Variants in CCSER1 observed in about 807,000 individuals in gnomAD.
The protein encoded by CCSER1 is coiled-coil serine rich protein 1, also known as serine-rich coiled-coil domain-containing protein 1.
In CCSER1, 41 loss-of-function variants were observed where a neutral mutation model predicts 82.0. That is an observed-to-expected ratio of 0.50 (90% CI 0.39 to 0.65). CCSER1 has a LOEUF of 0.65. CCSER1 is among the 30% of genes least tolerant of loss of function. The probability of loss-of-function intolerance (pLI) is 0.00; values close to 1 mark genes in which losing one functional copy is unlikely to be tolerated. For synonymous variants in CCSER1, 414 were observed against 383.9 expected (o/e 1.08, Z -0.92); for missense variants, 1,119 against 1,064.2 (o/e 1.05, Z -0.72).
chr4:90,977,322 C>G (rs62309788), intron 9 of CCSER1, among the ~76,000 whole-genome samples: 41,528 of 151,260 alleles, frequency 0.27, 6,919 homozygotes, highest in East Asian at 0.39. Flanking sequence ...AAGCCATTGA[C>G]TAATTATGCA....
At chr4:90,979,994 AAAT>A (rs1400532028) in intron 9 of CCSER1, among the ~76,000 whole-genome samples, 2 of 46,570 alleles carry the variant, frequency 4.3e-5, no homozygotes, top group Non-Finnish European at 6.8e-5. Flanking sequence ...AACTAAAAAA[AAAT>A]AATAAACTGA....
At chr4:91,107,339 C>G (rs1471523848) in intron 10 of CCSER1, among the ~76,000 whole-genome samples, 1 of 152,186 alleles carries the variant, frequency 6.6e-6, no homozygotes. Context: ...ACTGCAACCT[C>G]CACCTCCCAG....
intron 1 of CCSER1, among the ~76,000 whole-genome samples, chr4:90,159,825 G>A (rs1729096356): frequency 6.6e-6 from 1 of 152,130 alleles, no homozygotes; most frequent in Admixed American, 6.5e-5. Flanking sequence ...AGTAAATAGT[G>A]CCTAACATTT....
rs1728661265 is a variant in CCSER1 at position 90,923,377 on chromosome 4, T to C, written c.2102T>C (p.Val701Ala). The C allele has an allele frequency of 6.4e-7, 1 of 1,551,318 alleles. No homozygotes were observed. Among genetic ancestry groups the C allele is most frequent in the Non-Finnish European group, 8.7e-7 (1 of 1,146,654 alleles). Reference sequence around the variant, plus strand: ...TGTTTTTTCATTTTGCAGGGAAAAGTCCGGCATTTACAGAAGGCTTTTGCT... The same window carrying C: ...TGTTTTTTCATTTTGCAGGGAAAAGCCCGGCATTTACAGAAGGCTTTTGCT... ...ISQLQEELGK[V>A]RHLQKAFASR... The change falls in exon 9 of 11, where the codon GTC becomes GCC. Residue 701 changes from valine (V) to alanine (A), a missense_variant. Transcript: ENST00000509176.
At chr4:90,177,453 G>A (rs964888072) in intron 1 of CCSER1, among the ~76,000 whole-genome samples, 6 of 152,190 alleles carry the variant, frequency 3.9e-5, no homozygotes, top group Non-Finnish European at 7.4e-5. Flanking sequence ...ATTAGGGGTG[G>A]GTTGCCCCTG....
intron 8 of CCSER1, among the ~76,000 whole-genome samples, chr4:90,879,188 G>A (rs190557262): frequency 6.6e-6 from 1 of 152,094 alleles, no homozygotes; most frequent in Non-Finnish European, 1.5e-5. Flanking sequence ...TCTTTTATCA[G>A]CTTGGTTTAT....
Position 90,984,334 on chromosome 4 carries a change from A to G in CCSER1, c.2172+60887A>G, listed in dbSNP as rs114892320. Among the ~76,000 whole-genome samples, 168 of 151,916 alleles carry G rather than the reference A, an allele frequency of 1.1e-3. 1 individual carries two copies. The highest frequency in any genetic ancestry group is 3.9e-3 in the African/African-American group (161 of 41,524). On this transcript the variant is annotated intron_variant, in intron 9 of 10. Transcript: ENST00000509176. ...TTACTTCATTTTCAAGTAATAGAGA[A>G]CTTGGATTGGCTTAAATAACAAATG...
intron 5 of CCSER1, among the ~76,000 whole-genome samples, chr4:90,572,642 C>A (rs1361155467): frequency 6.6e-6 from 1 of 150,650 alleles, no homozygotes; most frequent in African/African-American, 2.4e-5. Flanking sequence ...GCATTTTTTT[C>A]ATTTATTGTA....
chr4:90,243,965 C>T (rs564735472), intron 1 of CCSER1, among the ~76,000 whole-genome samples: 1 of 151,740 alleles, frequency 6.6e-6, no homozygotes, highest in South Asian at 2.1e-4. Context: ...TCTTATTAAA[C>T]TTTGCTTCTT....
At chr4:90,374,193 TG>T (rs1747929021) in intron 3 of CCSER1, among the ~76,000 whole-genome samples, 1 of 152,174 alleles carries the variant, frequency 6.6e-6, no homozygotes, top group Non-Finnish European at 1.5e-5. Context: ...GAGACGCTTG[TG>T]GGTCAATTAA....
At chr4:91,099,398 T>C (rs1464624966) in intron 10 of CCSER1, among the ~76,000 whole-genome samples, 6 of 152,144 alleles carry the variant, frequency 3.9e-5, no homozygotes, top group African/African-American at 1.4e-4. Flanking sequence ...AAACTCAGAA[T>C]TGATAGGCAA....
At chr4:90,991,280 T>C (rs1040366335) in intron 9 of CCSER1, among the ~76,000 whole-genome samples, 2 of 151,984 alleles carry the variant, frequency 1.3e-5, no homozygotes, top group Non-Finnish European at 2.9e-5. Context: ...TTTCTAGAGA[T>C]GACATAACAA....
chr4:90,869,207 G>A (rs1035267389), intron 8 of CCSER1, among the ~76,000 whole-genome samples: 4 of 151,876 alleles, frequency 2.6e-5, no homozygotes, highest in South Asian at 2.1e-4. Context: ...AGCATGATGC[G>A]ATCCCATTTG....
chr4:90,973,467 C>T (rs1561435354), intron 9 of CCSER1, among the ~76,000 whole-genome samples: 1 of 151,628 alleles, frequency 6.6e-6, no homozygotes, highest in African/African-American at 2.4e-5. Context: ...TGAGTTATCA[C>T]TTAACACATG....
intron 4 of CCSER1, among the ~76,000 whole-genome samples, chr4:90,449,143 C>A (rs1447464770): frequency 6.6e-6 from 1 of 152,140 alleles, no homozygotes; most frequent in East Asian, 1.9e-4. Context: ...GGAAGGAGAC[C>A]CAATGTGGAT....
chr4:91,409,013 A>G (rs972465096), intron 10 of CCSER1, among the ~76,000 whole-genome samples: 7 of 152,102 alleles, frequency 4.6e-5, no homozygotes, highest in African/African-American at 1.7e-4. Flanking sequence ...GGGGAAAACA[A>G]TTTCCATTCA....
At chr4:90,172,467 A>G (rs1731894398) in intron 1 of CCSER1, among the ~76,000 whole-genome samples, 1 of 151,866 alleles carries the variant, frequency 6.6e-6, no homozygotes, top group Non-Finnish European at 1.5e-5. Flanking sequence ...GCATAATTGT[A>G]TGAGCTACAC....
intron 1 of CCSER1, among the ~76,000 whole-genome samples, chr4:90,256,936 C>T (rs1578786662): frequency 6.6e-6 from 1 of 152,008 alleles, no homozygotes; most frequent in Non-Finnish European, 1.5e-5. Flanking sequence ...CATTGTTTTT[C>T]ATTTATAAAT....
intron 1 of CCSER1, among the ~76,000 whole-genome samples, chr4:90,151,368 GATT>G (rs1197851050): frequency 1.3e-5 from 2 of 151,914 alleles, no homozygotes; most frequent in Non-Finnish European, 2.9e-5. Context: ...TATTTATTTA[GATT>G]ATTAGGCTTA....
Sources: gnomAD v4.1 joint callset for allele counts (sites outside exome capture counted in the v4.1 genomes callset) on GRCh38, gnomAD v4.1.1 for gene constraint, MANE v1.5 for transcripts, NCBI Gene and HGNC (gene_info 2026-07-23, HGNC 2026-07-21) for gene names.